The following MIDEAS variants were observed in gnomAD, a reference collection of about 807,000 sequenced individuals.
The protein encoded by MIDEAS is mitotic deacetylase-associated SANT domain protein.
In MIDEAS, 26 loss-of-function variants were observed where a neutral mutation model predicts 102.7. That is an observed-to-expected ratio of 0.25 (90% CI 0.19 to 0.35). MIDEAS has a LOEUF of 0.35. Ranked by LOEUF, MIDEAS falls within the 10% of genes least tolerant of loss-of-function variation. The pLI, the probability that MIDEAS is intolerant of heterozygous loss-of-function variation, is 1.00. For synonymous variants in MIDEAS, 585 were observed against 591.0 expected, an observed-to-expected ratio of 0.99 and a Z score of 0.15; for missense variants, 1,231 against 1,435.6, an observed-to-expected ratio of 0.86 and a Z score of 2.30.
At chr14:73,785,283 A>G (rs1253564988) in intron 1 of MIDEAS, among the ~76,000 whole-genome samples, 1 of 152,174 alleles carries the variant, frequency 6.6e-6, no homozygotes, top group Non-Finnish European at 1.5e-5. Context: ...GGCCCTCAAC[A>G]AGACACTGTT....
At chr14:73,767,983 ACCC>A (rs1260072737) in intron 1 of MIDEAS, among the ~76,000 whole-genome samples, 3 of 151,418 alleles carry the variant, frequency 2.0e-5, no homozygotes, top group Non-Finnish European at 1.5e-5. Flanking sequence ...ACATGGTGAA[ACCC>A]CCATCTCCAC....
intron 1 of MIDEAS, among the ~76,000 whole-genome samples, chr14:73,766,950 G>A (rs1484459427): frequency 6.6e-6 from 1 of 150,662 alleles, no homozygotes; most frequent in Non-Finnish European, 1.5e-5. Flanking sequence ...CCGACTTCTG[G>A]GTTCAAGTGA....
chr14:73,763,099 G>C (rs2053566587), upstream of MIDEAS, among the ~76,000 whole-genome samples: 1 of 152,162 alleles, frequency 6.6e-6, no homozygotes, highest in Admixed American at 6.5e-5. Context: ...ACTTTAGAAG[G>C]CTGAGGCAGG....
chr14:73,745,011 G>T (rs567038702), intron 1 of MIDEAS, among the ~76,000 whole-genome samples: 1 of 152,304 alleles, frequency 6.6e-6, no homozygotes, highest in Admixed American at 6.5e-5. Flanking sequence ...CTTGGCACTT[G>T]GTTTGTATCT....
At chr14:73,760,959 T>C (rs1320249695), upstream of MIDEAS, among the ~76,000 whole-genome samples, 1 of 152,264 alleles carries the variant, frequency 6.6e-6, no homozygotes, top group East Asian at 1.9e-4. The surrounding 1 kb of genome is among the most constrained non-coding windows in gnomAD (Gnocchi z 4.8). Context: ...GGTGGGAAGA[T>C]GGAAAACATT....
intron 3 of MIDEAS, among the ~76,000 whole-genome samples, chr14:73,730,726 G>T (rs375981389): frequency 1.7e-4 from 26 of 152,076 alleles, no homozygotes; most frequent in African/African-American, 4.8e-4. Context: ...GTCGAGGTGG[G>T]GGGGAGGGGA....
At chr14:73,762,228 A>G (rs909241939), upstream of MIDEAS, among the ~76,000 whole-genome samples, 1 of 152,248 alleles carries the variant, frequency 6.6e-6, no homozygotes, top group African/African-American at 2.4e-5. Flanking sequence ...TTCCCAACCA[A>G]CCAGAAAACC....
At chr14:73,780,941 T>G (rs1036054371) in intron 1 of MIDEAS, among the ~76,000 whole-genome samples, 6 of 152,036 alleles carry the variant, frequency 3.9e-5, no homozygotes, top group Non-Finnish European at 5.9e-5. Flanking sequence ...TTTTTGTTTT[T>G]TTGTTGTTGT....
intron 2 of MIDEAS, 61 bp from the exon 3 acceptor site, chr14:73,737,358 T>A: frequency 6.6e-7 from 1 of 1,521,648 alleles, no homozygotes. Context: ...GCGCAGTGGC[T>A]CACGCCTATA....
chr14:73,780,678 G>A (rs1331459030), intron 1 of MIDEAS, among the ~76,000 whole-genome samples: 6 of 152,190 alleles, frequency 3.9e-5, no homozygotes, highest in African/African-American at 1.4e-4. Flanking sequence ...CCATGCCTGT[G>A]TTCCTGGGCC....
chr14:73,761,079 G>T (rs1481378478), upstream of MIDEAS, among the ~76,000 whole-genome samples: 1 of 152,102 alleles, frequency 6.6e-6, no homozygotes, highest in Non-Finnish European at 1.5e-5. Context: ...TTTGGTGGTG[G>T]TGCAGTGGTG....
intron 1 of MIDEAS, among the ~76,000 whole-genome samples, chr14:73,766,607 T>C (rs193203870): frequency 7.4e-5 from 11 of 149,074 alleles, no homozygotes; most frequent in African/African-American, 2.7e-4. Flanking sequence ...TGGAGTGCAG[T>C]GGTGCAATCT....
chr14:73,719,282 G>A (rs752561862), intron 12 of MIDEAS, 23 bp downstream of exon 12: 6 of 1,386,914 alleles, frequency 4.3e-6, no homozygotes, highest in Non-Finnish European at 4.8e-6. Context: ...GGGTCCCAGC[G>A]GGGACAGCGC....
Position 73,729,936 on chromosome 14 carries a change from G to C in MIDEAS, c.1799C>G (p.Pro600Arg). Residue 600 changes from proline to arginine, a missense_variant, in exon 4 of 13, where the codon CCA becomes CGA. By Grantham distance (103) the Pro-to-Arg change is moderately radical (BLOSUM62 -2). Transcript: ENST00000423556. ...KLEGEPSVRK[P>R]KQRPRPEPLI... ...GGGCTCGGGCCTGGGCCGCTGCTTT[G>C]GTTTCCGCACGGAAGGCTCCCCCTC... 1 of 1,605,004 alleles carries C rather than the reference G, an allele frequency of 6.2e-7. No individual in the cohort carries two copies. Among genetic ancestry groups the C allele is most frequent in the African/African-American group, 1.3e-5 (1 of 74,872 alleles).
intron 3 of MIDEAS, 53 bp from the exon 4 acceptor site, chr14:73,730,038 G>C (rs781676601): frequency 4.5e-6 from 7 of 1,568,616 alleles, no homozygotes; most frequent in Non-Finnish European, 2.6e-6. Context: ...CCCAGAGAAA[G>C]TAAAGTCTTA....
At chr14:73,744,060 AAAT>A (rs1343223884) in intron 1 of MIDEAS, among the ~76,000 whole-genome samples, 30 of 147,952 alleles carry the variant, frequency 2.0e-4, no homozygotes, top group African/African-American at 7.6e-4. Flanking sequence ...CAGGAAAAAA[AAAT>A]AAAAAACAGT....
At chr14:73,770,404 T>C (rs985186799) in intron 1 of MIDEAS, among the ~76,000 whole-genome samples, 1 of 152,048 alleles carries the variant, frequency 6.6e-6, no homozygotes, top group Non-Finnish European at 1.5e-5. Context: ...ACAATGATGA[T>C]GTAAGGGCCA....
chr14:73,718,825 C>T lies in MIDEAS; in HGVS notation c.*18G>A. 1.4e-6 allele frequency: 2 copies of T among 1,420,158 alleles called. No individual in the cohort carries two copies. Among genetic ancestry groups the T allele is most frequent in the Non-Finnish European group, 1.8e-6 (2 of 1,096,464 alleles). The allele number at this position is 1,420,158 out of a possible 1,614,324, so 88.0% of individuals were successfully genotyped here. A position where few individuals can be genotyped will look rare whatever the true frequency, so the allele number is the denominator to read the frequency against. Reference sequence around the variant, plus strand: ...GGAAGGGCCGAGGCCCAGGACTGGGCCAGCCTGGCTCCCGCGCTCAGCCCT... The same window carrying T: ...GGAAGGGCCGAGGCCCAGGACTGGGTCAGCCTGGCTCCCGCGCTCAGCCCT... On this transcript the variant is annotated 3_prime_UTR_variant, in exon 13 of 13. Coordinates refer to ENST00000423556, the MANE Select transcript of MIDEAS (RefSeq NM_001367710.1).
At chr14:73,761,100 CGGCGGTGGTGGCGGT>C (rs1401115074), upstream of MIDEAS, among the ~76,000 whole-genome samples, 3 of 151,938 alleles carry the variant, frequency 2.0e-5, no homozygotes, top group African/African-American at 7.2e-5. Context: ...GTGGTGGCGG[CGGCGGTGGTGGCGGT>C]GGCTGTTTTT....
Sources: gnomAD v4.1 joint callset for allele counts (sites outside exome capture counted in the v4.1 genomes callset) on GRCh38, gnomAD v4.1.1 for gene constraint, Gnocchi (gnomAD v3.1) non-coding constraint, MANE v1.5 for transcripts, NCBI Gene and HGNC (gene_info 2026-07-23, HGNC 2026-07-21) for gene names.